ACYP2: variants seen among roughly 807,000 people sequenced by gnomAD.
The protein encoded by ACYP2 is acylphosphatase 2, also known as acylphosphatase-2.
Under a neutral mutation model 11.2 loss-of-function variants are expected in ACYP2, and 12 were observed. That is an observed-to-expected ratio of 1.08 (90% CI 0.69 to 1.74). The LOEUF is 1.74. Among genes scored for constraint, ACYP2 ranks in the 40% most tolerant of loss-of-function variants. The pLI is 0.00. For missense variants in ACYP2, 134 were observed against 101.9 expected (o/e 1.31, Z -1.35); for synonymous variants, 43 against 32.2 (o/e 1.33, Z -1.13).
At chr2:54,238,495 T>C (rs843661) in intron 6 of ACYP2, among the ~76,000 whole-genome samples, 9,243 of 152,250 alleles carry the variant, frequency 0.061, 380 homozygotes, top group Non-Finnish European at 0.091. Flanking sequence ...GTAAGTCTTT[T>C]AATTTGTATG....
At chr2:54,077,443 T>G (rs1677405066) in intron 4 of ACYP2, among the ~76,000 whole-genome samples, 1 of 152,222 alleles carries the variant, frequency 6.6e-6, no homozygotes, top group African/African-American at 2.4e-5. Context: ...TAAATTAATC[T>G]AAATGCTAAC....
intron 4 of ACYP2, among the ~76,000 whole-genome samples, chr2:54,096,301 T>G: frequency 7.4e-6 from 1 of 135,198 alleles, no homozygotes; most frequent in South Asian, 2.6e-4. Context: ...CGCTCCTCAC[T>G]TCCTAGATGG....
Position 54,284,316 on chromosome 2 carries a change from G to A in ACYP2, c.405-20372G>A, listed in dbSNP as rs184688666. 1.6e-3 allele frequency among the ~76,000 whole-genome samples: 242 copies of A among 152,222 alleles called. 1 individual carries two copies. Among genetic ancestry groups the A allele is most frequent in the African/African-American group, 5.5e-3 (229 of 41,530 alleles). On this transcript the variant is annotated intron_variant, in intron 6 of 6. Transcript: ENST00000607452. ...ATGGAGCCTGGACAAAGCTTCACTC[G>A]TCTCCTCAACATACAGCCCCAGGCA...
At chr2:54,257,334 C>T (rs1488616515) in intron 6 of ACYP2, among the ~76,000 whole-genome samples, 1 of 152,178 alleles carries the variant, frequency 6.6e-6, no homozygotes, top group Non-Finnish European at 1.5e-5. Flanking sequence ...ATATGAATAT[C>T]TAATTGACCC....
intron 6 of ACYP2, among the ~76,000 whole-genome samples, chr2:54,265,191 G>A (rs1007876371): frequency 6.6e-6 from 1 of 152,056 alleles, no homozygotes. Context: ...ATTTACAAAA[G>A]AAAGAGGTTT....
At chr2:54,095,487 G>A (rs1462868119) in intron 4 of ACYP2, among the ~76,000 whole-genome samples, 18 of 150,486 alleles carry the variant, frequency 1.2e-4, no homozygotes, top group African/African-American at 3.4e-4. Flanking sequence ...CTCACCTCCC[G>A]GACGGGGCGG....
intron 6 of ACYP2, among the ~76,000 whole-genome samples, chr2:54,173,793 A>G (rs183684377): frequency 3.1e-3 from 469 of 152,280 alleles, no homozygotes; most frequent in Middle Eastern, 0.01. Flanking sequence ...TATTAAATAG[A>G]GAATCCTTTC....
intron 6 of ACYP2, among the ~76,000 whole-genome samples, chr2:54,167,824 T>C (rs1683058917): frequency 6.6e-6 from 1 of 151,978 alleles, no homozygotes; most frequent in South Asian, 2.1e-4. Flanking sequence ...TCTAAAGAGG[T>C]TCAGAGAGAA....
intron 6 of ACYP2, among the ~76,000 whole-genome samples, chr2:54,199,828 C>T (rs1379786614): frequency 6.6e-6 from 1 of 152,228 alleles, no homozygotes; most frequent in African/African-American, 2.4e-5. Flanking sequence ...AACCACTGCA[C>T]TGCACTGTTC....
At chr2:54,214,654 A>G (rs567236335) in intron 6 of ACYP2, among the ~76,000 whole-genome samples, 2 of 152,312 alleles carry the variant, frequency 1.3e-5, no homozygotes, top group Non-Finnish European at 2.9e-5. Flanking sequence ...CTTGTAGTGT[A>G]GCTTGAAGTC....
chr2:54,065,505 T>C, intron 4 of ACYP2: 1 of 398,624 alleles, frequency 2.5e-6, no homozygotes, highest in African/African-American at 2.1e-5. Flanking sequence ...TGGCTATCCC[T>C]GATCAGGGAA....
intron 4 of ACYP2, among the ~76,000 whole-genome samples, chr2:54,060,258 T>C (rs1445109751): frequency 6.6e-6 from 1 of 152,180 alleles, no homozygotes; most frequent in Non-Finnish European, 1.5e-5. Flanking sequence ...TTTTCTCTCT[T>C]TTTGGCTATC....
At chr2:54,257,116 G>A (rs752753565) in intron 6 of ACYP2, among the ~76,000 whole-genome samples, 1 of 152,014 alleles carries the variant, frequency 6.6e-6, no homozygotes. Flanking sequence ...CCTCACACCT[G>A]TAATCCTAGC....
intron 4 of ACYP2, among the ~76,000 whole-genome samples, chr2:54,089,410 A>ATC (rs1406808999): frequency 6.6e-6 from 1 of 151,998 alleles, no homozygotes; most frequent in Non-Finnish European, 1.5e-5. Flanking sequence ...ATATATATAT[A>ATC]TATCTCCTGG....
chr2:54,151,203 C>T (rs1682152354), intron 6 of ACYP2, among the ~76,000 whole-genome samples: 2 of 152,284 alleles, frequency 1.3e-5, no homozygotes, highest in African/African-American at 2.4e-5. Flanking sequence ...AATTTGAACA[C>T]CTTTCTGCCT....
At chr2:54,033,739 C>G (rs965141191) in intron 2 of ACYP2, among the ~76,000 whole-genome samples, 1 of 152,188 alleles carries the variant, frequency 6.6e-6, no homozygotes, top group Admixed American at 6.5e-5. Flanking sequence ...AGGAGCCAAC[C>G]AAGGTAGCAT....
intron 6 of ACYP2, among the ~76,000 whole-genome samples, chr2:54,222,544 T>C (rs534326601): frequency 9.8e-6 from 1 of 102,474 alleles, no homozygotes; most frequent in Non-Finnish European, 1.9e-5. Flanking sequence ...AGCGAGACTC[T>C]GTCTCAAAAA....
intron 6 of ACYP2, among the ~76,000 whole-genome samples, chr2:54,141,459 C>G (rs1681594916): frequency 6.6e-6 from 1 of 152,188 alleles, no homozygotes; most frequent in Non-Finnish European, 1.5e-5. Context: ...ATTGGACCAA[C>G]TATTTTCTAC....
chr2:54,076,809 T>C (rs1677367061), intron 4 of ACYP2, among the ~76,000 whole-genome samples: 1 of 152,110 alleles, frequency 6.6e-6, no homozygotes, highest in African/African-American at 2.4e-5. Context: ...CAAATATAGC[T>C]TGCACAGTGT....
Sources: gnomAD v4.1 joint callset for allele counts (sites outside exome capture counted in the v4.1 genomes callset) on GRCh38, gnomAD v4.1.1 for gene constraint, MANE v1.5 for transcripts, NCBI Gene and HGNC (gene_info 2026-07-23, HGNC 2026-07-21) for gene names.